The following NFATC1 variants were observed in gnomAD, a reference collection of about 807,000 sequenced individuals.
NFATC1 encodes nuclear factor of activated T-cells, cytoplasmic 1.
A neutral mutation model predicts 76.0 loss-of-function variants in NFATC1; 22 were observed. The ratio of observed to expected loss-of-function variants is 0.29; its 90% CI spans 0.21 to 0.41. The LOEUF (loss-of-function observed/expected upper bound fraction) is 0.41. Ranked by LOEUF, NFATC1 falls within the 10% of genes least tolerant of loss-of-function variation. The pLI is 1.00. For synonymous variants in NFATC1, 704 were observed against 613.1 expected, an observed-to-expected ratio of 1.15 and a Z score of -2.19; for missense variants, 1,357 against 1,337.7, an observed-to-expected ratio of 1.01 and a Z score of -0.23.
At chr18:79,508,381 G>A (rs910459703) in intron 9 of NFATC1, among the ~76,000 whole-genome samples, 6 of 152,198 alleles carry the variant, frequency 3.9e-5, no homozygotes, top group Admixed American at 1.3e-4. Flanking sequence ...AGCGGCGTGC[G>A]TGTGAGGGTT....
At chr18:79,400,366 C>CAG in intron 1 of NFATC1, 2 of 1,403,580 alleles carry the variant, frequency 1.4e-6, no homozygotes, top group Admixed American at 3.0e-5. Context: ...ACCCCGGCTC[C>CAG]CGCCCCGGCC....
chr18:79,454,448 C>T (rs569513747), intron 6 of NFATC1, among the ~76,000 whole-genome samples: 301 of 152,328 alleles, frequency 2.0e-3, no homozygotes, highest in Non-Finnish European at 3.3e-3. Flanking sequence ...TGGTGTTGGC[C>T]TCATGAGGAA....
At chr18:79,452,739 C>T (rs926364109) in intron 6 of NFATC1, among the ~76,000 whole-genome samples, 8 of 152,320 alleles carry the variant, frequency 5.3e-5, no homozygotes, top group South Asian at 2.1e-4. Flanking sequence ...CAAAGCCTGC[C>T]GTGAGCTCCC....
At chr18:79,401,448 T>C (rs2085252440) in intron 1 of NFATC1, among the ~76,000 whole-genome samples, 1 of 151,682 alleles carries the variant, frequency 6.6e-6, no homozygotes. Flanking sequence ...ACTCCCCAAA[T>C]GTCTTCCCTG....
chr18:79,454,406 C>T (rs1034919690), intron 6 of NFATC1, among the ~76,000 whole-genome samples: 2 of 152,202 alleles, frequency 1.3e-5, no homozygotes, highest in East Asian at 3.9e-4. Flanking sequence ...TTAGATGGAG[C>T]GGCTCCACTG....
At chr18:79,463,488 G>A (rs925625976) in intron 7 of NFATC1, among the ~76,000 whole-genome samples, 24 of 91,436 alleles carry the variant, frequency 2.6e-4, no homozygotes, top group African/African-American at 3.6e-4. Flanking sequence ...GCCCGTTCCC[G>A]TGTCCATACC....
intron 8 of NFATC1, among the ~76,000 whole-genome samples, chr18:79,484,436 CT>C (rs2089436142): frequency 6.6e-6 from 1 of 152,158 alleles, no homozygotes; most frequent in Non-Finnish European, 1.5e-5. Context: ...CACCCACCCC[CT>C]CTAAAACCTT....
At chr18:79,512,045 CG>C in intron 9 of NFATC1, among the ~76,000 whole-genome samples, 2 of 152,240 alleles carry the variant, frequency 1.3e-5, no homozygotes, top group South Asian at 2.1e-4. Flanking sequence ...GAGCCTGTCC[CG>C]GCAATGGCTC....
At chr18:79,475,531 A>ACGTTGCGATGGAAGCGTGTTCTCATGCT (rs2089030398) in intron 8 of NFATC1, among the ~76,000 whole-genome samples, 2 of 146,668 alleles carry the variant, frequency 1.4e-5, no homozygotes, top group African/African-American at 5.3e-5. Flanking sequence ...CTCACCGTCG[A>ACGTTGCGATGGAAGCGTGTTCTCATGCT]CACTGTAAAC....
At chr18:79,509,031 C>T (rs1308599678) in intron 9 of NFATC1, among the ~76,000 whole-genome samples, 1 of 152,210 alleles carries the variant, frequency 6.6e-6, no homozygotes, top group African/African-American at 2.4e-5. Flanking sequence ...GGTGTCTGTG[C>T]TTCTTGCAGT....
intron 3 of NFATC1, 196 bp from the exon 4 acceptor site, chr18:79,448,586 C>T (rs1286413551): frequency 3.1e-5 from 19 of 612,114 alleles, no homozygotes; most frequent in African/African-American, 3.0e-4. Context: ...AAACTCAGTG[C>T]CCAGGTCCAT....
intron 1 of NFATC1, among the ~76,000 whole-genome samples, chr18:79,408,175 A>G (rs2085507055): frequency 6.6e-6 from 1 of 151,984 alleles, no homozygotes; most frequent in South Asian, 2.1e-4. Context: ...GTATTTTGAG[A>G]CCCTAGATTT....
At chr18:79,501,258 A>T (rs2090006780) in intron 9 of NFATC1, among the ~76,000 whole-genome samples, 2 of 152,386 alleles carry the variant, frequency 1.3e-5, no homozygotes, top group Admixed American at 1.3e-4. Context: ...CAAGAAAAAA[A>T]GCATTTAACA....
intron 2 of NFATC1, among the ~76,000 whole-genome samples, chr18:79,424,737 G>C (rs761013387): frequency 2.1e-5 from 3 of 144,446 alleles, no homozygotes; most frequent in Non-Finnish European, 4.5e-5. Flanking sequence ...CTCCGTCTCT[G>C]TCTGTGTCTG....
chr18:79,450,048 A>T (rs1159782707), intron 4 of NFATC1, among the ~76,000 whole-genome samples: 2 of 152,188 alleles, frequency 1.3e-5, no homozygotes, highest in African/African-American at 4.8e-5. Context: ...TGCGTTCCAC[A>T]GCCGTAGTAA....
intron 3 of NFATC1, among the ~76,000 whole-genome samples, chr18:79,445,407 C>T (rs1397756028): frequency 2.0e-5 from 3 of 152,204 alleles, no homozygotes; most frequent in Admixed American, 6.5e-5. Flanking sequence ...GACGTCCTCC[C>T]ATGACAGATG....
chr18:79,520,480 G>A (rs76368826), intron 9 of NFATC1, among the ~76,000 whole-genome samples: 7,333 of 151,212 alleles, frequency 0.048, 273 homozygotes, highest in Admixed American at 0.083. Context: ...AGCTAGTACC[G>A]GAGAAATGAC....
intron 1 of NFATC1, among the ~76,000 whole-genome samples, chr18:79,402,025 C>T (rs1009217144): frequency 6.6e-6 from 1 of 152,254 alleles, no homozygotes; most frequent in East Asian, 1.9e-4. Flanking sequence ...CCTCCCAGGC[C>T]TCCAGGGTGG....
At chr18:79,506,448 G>A (rs557804832) in intron 9 of NFATC1, among the ~76,000 whole-genome samples, 43 of 152,312 alleles carry the variant, frequency 2.8e-4, no homozygotes, top group African/African-American at 9.6e-4. Context: ...CCTCCCCAGG[G>A]GTGTGGGTCC....
Sources: allele counts gnomAD v4.1 joint callset (sites outside exome capture counted in the v4.1 genomes callset), GRCh38; gene constraint gnomAD v4.1.1; transcripts MANE v1.5; gene names NCBI Gene and HGNC (gene_info 2026-07-23, HGNC 2026-07-21).